The following ZFPM2 variants were observed in gnomAD, a reference collection of about 807,000 sequenced individuals.
ZFPM2 encodes zinc finger protein, FOG family member 2.
ZFPM2 carries 20 observed loss-of-function variants against 98.6 expected under a neutral mutation model. The observed-to-expected ratio is 0.20, with a 90% confidence interval of 0.14 to 0.29. ZFPM2 has a LOEUF of 0.29. Among genes scored for constraint, ZFPM2 ranks in the 10% least tolerant of loss-of-function variants. ZFPM2 has a pLI of 1.00. For synonymous variants in ZFPM2, 518 were observed against 502.7 expected (o/e 1.03, Z -0.41); for missense variants, 1,310 against 1,388.6 (o/e 0.94, Z 0.90).
chr8:105,776,895 G>T (rs1813117858), intron 5 of ZFPM2, among the ~76,000 whole-genome samples: 1 of 152,140 alleles, frequency 6.6e-6, no homozygotes, highest in Admixed American at 6.6e-5. Flanking sequence ...GACTTCAGCT[G>T]ATACATTTTA....
intron 2 of ZFPM2, among the ~76,000 whole-genome samples, chr8:105,421,302 A>G (rs1811788505): frequency 6.6e-6 from 1 of 152,144 alleles, no homozygotes; most frequent in Admixed American, 6.5e-5. Context: ...AATAATATTT[A>G]GTATATGATA....
intron 3 of ZFPM2, among the ~76,000 whole-genome samples, chr8:105,492,246 T>C (rs867593313): frequency 6.6e-6 from 1 of 152,258 alleles, no homozygotes; most frequent in Middle Eastern, 3.4e-3. Flanking sequence ...ACTGCATCCA[T>C]TGTTTGTGCT....
intron 5 of ZFPM2, among the ~76,000 whole-genome samples, chr8:105,764,598 A>C (rs1812816802): frequency 6.6e-6 from 1 of 151,860 alleles, no homozygotes; most frequent in Non-Finnish European, 1.5e-5. Context: ...GTATTCAAGA[A>C]TGTGAAAGGA....
chr8:105,586,002 GGTGTGTGTGT>G (rs142133685), intron 4 of ZFPM2, among the ~76,000 whole-genome samples: 158 of 142,774 alleles, frequency 1.1e-3, no homozygotes, highest in Middle Eastern at 3.6e-3. Context: ...GGGGGGAAGG[GGTGTGTGTGT>G]GTGTGTGTGT....
intron 1 of ZFPM2, among the ~76,000 whole-genome samples, chr8:105,322,118 G>C (rs747771156): frequency 4.6e-5 from 7 of 151,982 alleles, no homozygotes; most frequent in Non-Finnish European, 8.8e-5. Flanking sequence ...GAGGTGTTTG[G>C]TGTGGGAGCC....
intron 5 of ZFPM2, among the ~76,000 whole-genome samples, chr8:105,760,231 G>A (rs1296068676): frequency 6.6e-6 from 1 of 151,918 alleles, no homozygotes; most frequent in African/African-American, 2.4e-5. Flanking sequence ...TAATTAAAGA[G>A]GAAAAATCAC....
chr8:105,664,429 G>T (rs990543009), intron 5 of ZFPM2, among the ~76,000 whole-genome samples: 3 of 151,660 alleles, frequency 2.0e-5, no homozygotes, highest in African/African-American at 7.3e-5. Flanking sequence ...TCTGCCTCCG[G>T]GTTCAAGCGA....
At chr8:105,600,909 T>C (rs1270564987) in intron 4 of ZFPM2, among the ~76,000 whole-genome samples, 1 of 152,134 alleles carries the variant, frequency 6.6e-6, no homozygotes, top group African/African-American at 2.4e-5. Context: ...TGCCTTTACA[T>C]ATTCACTATG....
At chr8:105,796,807 A>G (rs1446356731) in intron 6 of ZFPM2, 1 of 152,132 alleles carries the variant, frequency 6.6e-6, no homozygotes, top group Admixed American at 6.5e-5. Context: ...AACATGTGCC[A>G]CTGTTTGCCT....
At position 105,801,182 on chromosome 8, in the gene ZFPM2, A is replaced by C; in HGVS notation, c.1100A>C (p.His367Pro). 6.2e-7 allele frequency: 1 copy of C among 1,613,956 alleles called. No individual in the cohort carries two copies. The highest frequency in any genetic ancestry group is 2.2e-5 in the East Asian group (1 of 44,862). Residue 367 changes from histidine (H) to proline (P), a missense_variant, in exon 8 of 8, where the codon CAC becomes CCC. Physicochemically the swap from His to Pro is moderately conservative, Grantham distance 77. Coordinates refer to ENST00000407775, the MANE Select transcript of ZFPM2 (RefSeq NM_012082.4). ...HLTQAAFRCN[H>P]CHFGFQTQRE... ...ACTCAAGCTGCCTTCCGATGTAATC[A>C]CTGCCATTTCGGCTTCCAGACTCAG...
chr8:105,656,590 G>A (rs1434274368), intron 5 of ZFPM2, among the ~76,000 whole-genome samples: 1 of 152,150 alleles, frequency 6.6e-6, no homozygotes, highest in African/African-American at 2.4e-5. Flanking sequence ...GGGACAGAGA[G>A]GAGGGGTAAA....
chr8:105,366,895 T>A (rs1298872675), intron 1 of ZFPM2, among the ~76,000 whole-genome samples: 1 of 148,814 alleles, frequency 6.7e-6, no homozygotes, highest in Non-Finnish European at 1.5e-5. Flanking sequence ...TTGAATTGAT[T>A]TTTGTATAAG....
chr8:105,396,655 T>C (rs1216494129), intron 1 of ZFPM2, among the ~76,000 whole-genome samples: 2 of 152,220 alleles, frequency 1.3e-5, no homozygotes, highest in African/African-American at 4.8e-5. Context: ...TATCTTCCGT[T>C]AGTGCATGTT....
At chr8:105,519,202 T>C (rs1355211324) in intron 3 of ZFPM2, among the ~76,000 whole-genome samples, 10 of 152,158 alleles carry the variant, frequency 6.6e-5, no homozygotes, top group African/African-American at 2.4e-4. Context: ...ATCTGAGATT[T>C]AAACCCATTT....
chr8:105,414,563 C>A (rs1586355218), intron 1 of ZFPM2, among the ~76,000 whole-genome samples: 2 of 151,068 alleles, frequency 1.3e-5, no homozygotes, highest in East Asian at 3.9e-4. Flanking sequence ...GCATCATTTT[C>A]ATCCTTATTC....
chr8:105,336,868 C>G (rs903917321), intron 1 of ZFPM2, among the ~76,000 whole-genome samples: 10 of 151,806 alleles, frequency 6.6e-5, no homozygotes, highest in Admixed American at 3.3e-4. Context: ...CACTTCGTCT[C>G]ATTTTTTGGT....
intron 2 of ZFPM2, among the ~76,000 whole-genome samples, chr8:105,441,775 G>A (rs1221376994): frequency 2.0e-5 from 3 of 151,994 alleles, no homozygotes; most frequent in Non-Finnish European, 2.9e-5. Flanking sequence ...CAATCCAAAC[G>A]GATACCATAA....
intron 5 of ZFPM2, among the ~76,000 whole-genome samples, chr8:105,650,263 C>G (rs186316068): frequency 1.3e-5 from 2 of 152,038 alleles, no homozygotes; most frequent in Admixed American, 6.5e-5. Flanking sequence ...TGATTCTTCT[C>G]TCTTTCCTTC....
intron 5 of ZFPM2, among the ~76,000 whole-genome samples, chr8:105,662,051 C>T (rs1256033985): frequency 1.3e-5 from 2 of 151,828 alleles, no homozygotes; most frequent in Non-Finnish European, 2.9e-5. Context: ...GGAATGGGGG[C>T]GATAAGGCGA....
Sources: allele counts gnomAD v4.1 joint callset (sites outside exome capture counted in the v4.1 genomes callset), GRCh38; gene constraint gnomAD v4.1.1; transcripts MANE v1.5; gene names NCBI Gene and HGNC (gene_info 2026-07-23, HGNC 2026-07-21).